The following CCDC6 variants were observed in gnomAD, a reference collection of about 807,000 sequenced individuals.
The protein encoded by CCDC6 is coiled-coil domain-containing protein 6.
Under a neutral mutation model 56.6 loss-of-function variants are expected in CCDC6, and 20 were observed. The ratio of observed to expected loss-of-function variants is 0.35; its 90% CI spans 0.25 to 0.51. The LOEUF is 0.51. Ranked by LOEUF, CCDC6 falls within the 20% of genes least tolerant of loss-of-function variation. CCDC6 has a pLI of 0.95. For missense variants in CCDC6, 367 were observed against 601.1 expected (o/e 0.61, Z 4.07); for synonymous variants, 241 against 234.4 (o/e 1.03, Z -0.26).
At chr10:59,898,732 C>T (rs2132687275) in intron 1 of CCDC6, among the ~76,000 whole-genome samples, 1 of 152,332 alleles carries the variant, frequency 6.6e-6, no homozygotes, top group East Asian at 1.9e-4. Context: ...AAGCACTTGA[C>T]AGCTGAATCC....
At position 59,789,568 on chromosome 10, in the gene CCDC6, G is replaced by A. The variant is rs2070450234; in HGVS notation, c.*3349C>T. The A allele has an allele frequency of 4.3e-6, 1 of 232,470 alleles. No individual in the cohort carries two copies. Among genetic ancestry groups the A allele is most frequent in the South Asian group, 1.8e-4 (1 of 5,510 alleles). The allele number at this position is 232,470 out of a possible 1,614,324, so 14.4% of individuals were successfully genotyped here. On this transcript the variant is annotated 3_prime_UTR_variant, in exon 9 of 9. Coordinates refer to ENST00000263102, the MANE Select transcript of CCDC6 (RefSeq NM_005436.5). ...ACTCATGTAGCAGCATCAATGGCTGGCTCTTTAACAATTTGGAAATAAAAG... is the reference window on the plus strand; with the variant it reads ...ACTCATGTAGCAGCATCAATGGCTGACTCTTTAACAATTTGGAAATAAAAG...
intron 1 of CCDC6, among the ~76,000 whole-genome samples, chr10:59,898,669 C>G (rs1184039487): frequency 2.6e-5 from 4 of 152,216 alleles, no homozygotes; most frequent in Non-Finnish European, 4.4e-5. Flanking sequence ...GCTATGCTAC[C>G]GGGAGAGCCC....
chr10:59,852,902 A>G (rs916441884), intron 1 of CCDC6, among the ~76,000 whole-genome samples, 200 bp from the exon 2 acceptor site: 2 of 152,234 alleles, frequency 1.3e-5, no homozygotes, highest in Non-Finnish European at 2.9e-5. Flanking sequence ...TATCACTATT[A>G]TGCCAAAGAG....
In CCDC6 at chr10:59,866,407, T is replaced by C. The variant is rs57108917; in HGVS notation, c.304-13705A>G. Among the ~76,000 whole-genome samples, 1,213 of 152,290 alleles carry C rather than the reference T, an allele frequency of 8.0e-3. 24 individuals carry two copies. Among genetic ancestry groups the C allele is most frequent in the African/African-American group, 0.028 (1,152 of 41,562 alleles). ...ACAAGAGACTACTCAAGGCCTAAGG[T>C]CTGGCACATAAGCATCCAAACACCT... is the stretch of plus-strand genomic sequence containing the variant. On this transcript the variant is annotated intron_variant, in intron 1 of 8. Transcript: ENST00000263102.
At chr10:59,857,962 A>G (rs1465864223) in intron 1 of CCDC6, among the ~76,000 whole-genome samples, 1 of 152,208 alleles carries the variant, frequency 6.6e-6, no homozygotes, top group East Asian at 1.9e-4. Context: ...TAGGTATACT[A>G]CTGTACATAA....
chr10:59,885,018 C>T (rs992516757), intron 1 of CCDC6, among the ~76,000 whole-genome samples: 2 of 151,458 alleles, frequency 1.3e-5, no homozygotes, highest in Non-Finnish European at 1.5e-5. Context: ...GAGTTGAGAT[C>T]GTGCCACCGC....
chr10:59,864,130 T>A (rs2458663), intron 1 of CCDC6, among the ~76,000 whole-genome samples: 65,275 of 152,020 alleles, frequency 0.43, 14,818 homozygotes, highest in African/African-American at 0.59. Context: ...TGCTATGAAA[T>A]GTAGTCTGAA....
In CCDC6 at chr10:59,827,627, A is replaced by G. The variant is rs548660423; in HGVS notation, c.582+4898T>C. ...GTTTCCCTAAACTACACGGGCTAAG[A>G]TATCATTATAAATGGATGCTAATAA... On this transcript the variant is annotated intron_variant, in intron 3 of 8. Coordinates refer to ENST00000263102, the MANE Select transcript of CCDC6 (RefSeq NM_005436.5). Among the ~76,000 whole-genome samples, 105 of 152,338 alleles carry G rather than the reference A, an allele frequency of 6.9e-4. 1 individual carries two copies. In the South Asian group the frequency reaches 0.02, roughly 29 times the overall value.
intron 2 of CCDC6, among the ~76,000 whole-genome samples, chr10:59,838,795 C>T (rs1033892186): frequency 6.6e-6 from 1 of 152,162 alleles, no homozygotes; most frequent in Non-Finnish European, 1.5e-5. Context: ...ACTCTGCCCA[C>T]ATGCCCCACT....
rs1304713232 is a variant in CCDC6 at position 59,885,919 on chromosome 10, C to A, written c.303+20203G>T. Among the ~76,000 whole-genome samples, 311 of 104,552 alleles carry A rather than the reference C, an allele frequency of 3.0e-3. 11 individuals are homozygous for A. The highest frequency in any genetic ancestry group is 4.3e-3 in the Non-Finnish European group (238 of 55,774). The allele number at this position is 104,552 out of a possible 152,430, so 68.6% of individuals were successfully genotyped here. ...CTGATGTCTATTTCCAACCCCGCCC[C>A]CCGCCCCCCCAACTAGAATATCAGC... On this transcript the variant is annotated intron_variant, in intron 1 of 8. Coordinates refer to ENST00000263102, the MANE Select transcript of CCDC6 (RefSeq NM_005436.5).
At chr10:59,858,806 C>T (rs548326586) in intron 1 of CCDC6, among the ~76,000 whole-genome samples, 2 of 152,298 alleles carry the variant, frequency 1.3e-5, no homozygotes, top group East Asian at 1.9e-4. Context: ...TAAATGTTTA[C>T]GCTGGATTTA....
At chr10:59,843,196 T>C (rs2070957923) in intron 2 of CCDC6, among the ~76,000 whole-genome samples, 1 of 152,180 alleles carries the variant, frequency 6.6e-6, no homozygotes, top group African/African-American at 2.4e-5. Flanking sequence ...AGAAGACAAA[T>C]TACTTTATCC....
At chr10:59,874,624 T>C (rs2071262426) in intron 1 of CCDC6, among the ~76,000 whole-genome samples, 2 of 152,308 alleles carry the variant, frequency 1.3e-5, no homozygotes, top group East Asian at 1.9e-4. Flanking sequence ...AGGGAACAGA[T>C]AGAATTAAGG....
intron 1 of CCDC6, among the ~76,000 whole-genome samples, chr10:59,864,725 G>A (rs776764438): frequency 3.3e-5 from 5 of 152,104 alleles, no homozygotes; most frequent in Non-Finnish European, 5.9e-5. Context: ...GCCGCATTCA[G>A]GGGGAGGTTC....
intron 1 of CCDC6, among the ~76,000 whole-genome samples, chr10:59,879,826 T>G (rs555984615): frequency 6.6e-6 from 1 of 152,196 alleles, no homozygotes; most frequent in African/African-American, 2.4e-5. Context: ...TTCTGCTCTT[T>G]AATGTGTTTT....
intron 2 of CCDC6, 44 bp from the exon 3 acceptor site, chr10:59,832,697 A>G: frequency 6.3e-7 from 1 of 1,596,270 alleles, no homozygotes; most frequent in Non-Finnish European, 8.5e-7. Context: ...AGGCAACTCA[A>G]ATGCCATGGA....
intron 2 of CCDC6, among the ~76,000 whole-genome samples, chr10:59,834,853 C>A (rs944416687): frequency 1.3e-5 from 2 of 152,102 alleles, no homozygotes. Context: ...CCAGCACTTT[C>A]GACAAAAAGA....
chr10:59,859,717 A>C (rs766663897), intron 1 of CCDC6, among the ~76,000 whole-genome samples: 2 of 152,224 alleles, frequency 1.3e-5, no homozygotes, highest in Non-Finnish European at 2.9e-5. Flanking sequence ...AAGACTAAGA[A>C]GACAAGTACA....
At chr10:59,819,378 A>T (rs926577461) in intron 3 of CCDC6, among the ~76,000 whole-genome samples, 1 of 152,136 alleles carries the variant, frequency 6.6e-6, no homozygotes, top group Admixed American at 6.5e-5. Context: ...ACTTTTCAGC[A>T]TTGTTGAGGA....
Sources: allele counts gnomAD v4.1 joint callset (sites outside exome capture counted in the v4.1 genomes callset), GRCh38; gene constraint gnomAD v4.1.1; transcripts MANE v1.5; gene names NCBI Gene and HGNC (gene_info 2026-07-23, HGNC 2026-07-21).